Variants in MRPS27 observed in about 807,000 individuals in gnomAD.
MRPS27 encodes small ribosomal subunit protein mS27.
MRPS27 carries 43 observed loss-of-function variants against 48.9 expected under a neutral mutation model. That is an observed-to-expected ratio of 0.88 (90% CI 0.69 to 1.13). The LOEUF (loss-of-function observed/expected upper bound fraction) is 1.13. Among genes scored for constraint, MRPS27 ranks in the 50% most tolerant of loss-of-function variants. The pLI is 0.00. For missense variants in MRPS27, 467 were observed against 476.3 expected, an observed-to-expected ratio of 0.98 and a Z score of 0.18; for synonymous variants, 188 against 171.9, an observed-to-expected ratio of 1.09 and a Z score of -0.73.
rs567197844 is a variant in MRPS27 at position 72,255,085 on chromosome 5, C to T, written c.282-16957G>A. On this transcript the variant is annotated intron_variant, in intron 4 of 10. Coordinates refer to ENST00000261413, the MANE Select transcript of MRPS27 (RefSeq NM_015084.3). Reference sequence around the variant, plus strand: ...ACAGAGTCTTACTCTGTTGCCCAGGCTGTAGTGCAGTGGCATGGTCTCAGC... The same window carrying T: ...ACAGAGTCTTACTCTGTTGCCCAGGTTGTAGTGCAGTGGCATGGTCTCAGC... 5.2e-5 allele frequency among the ~76,000 whole-genome samples: 6 copies of T among 115,996 alleles called. No individual in the cohort carries two copies. In the South Asian group the frequency reaches 1.4e-3, roughly 28 times the overall value. The allele number at this position is 115,996 out of a possible 152,430, so 76.1% of individuals were successfully genotyped here. A position where few individuals can be genotyped will look rare whatever the true frequency, so the allele number is the denominator to read the frequency against.
chr5:72,301,856 A>C (rs1263162177), intron 2 of MRPS27, among the ~76,000 whole-genome samples: 1 of 152,266 alleles, frequency 6.6e-6, no homozygotes, highest in Non-Finnish European at 1.5e-5. Context: ...CGGCCAGGAA[A>C]GCTGGGACAG....
chr5:72,257,832 C>A (rs1222024096), intron 4 of MRPS27, among the ~76,000 whole-genome samples: 1 of 152,062 alleles, frequency 6.6e-6, no homozygotes, highest in Non-Finnish European at 1.5e-5. Flanking sequence ...TGCCTGTAAT[C>A]CCAGCACTTT....
rs139719330 is a variant in MRPS27 at position 72,269,909 on chromosome 5, G to A, written c.281+25622C>T. On this transcript the variant is annotated intron_variant, in intron 4 of 10. Transcript: ENST00000261413. ...ATTCAATTACATAAAAAATAAAAAT[G>A]TGGCCGGGTGCGGTGGCTCACGCCT... Among the ~76,000 whole-genome samples the A allele has an allele frequency of 1.4e-4, 21 of 152,210 alleles. No individual in the cohort carries two copies. The East Asian group carries it at 3.7e-3, about 27-fold the overall frequency.
intron 4 of MRPS27, among the ~76,000 whole-genome samples, chr5:72,264,282 G>A (rs1749053714): frequency 6.6e-6 from 1 of 152,076 alleles, no homozygotes; most frequent in Non-Finnish European, 1.5e-5. Flanking sequence ...CTTTCCTTTT[G>A]GGGTAATAAA....
intron 4 of MRPS27, among the ~76,000 whole-genome samples, chr5:72,276,803 G>A (rs909062820): frequency 1.8e-4 from 27 of 151,890 alleles, no homozygotes; most frequent in Non-Finnish European, 2.9e-4. Flanking sequence ...AGGCCGAGGC[G>A]GGTGGATCAC....
At chr5:72,297,943 G>T (rs866792361) in intron 2 of MRPS27, among the ~76,000 whole-genome samples, 1 of 152,056 alleles carries the variant, frequency 6.6e-6, no homozygotes, top group Non-Finnish European at 1.5e-5. Flanking sequence ...TTAAAAAAAT[G>T]GATCAATTTG....
At chr5:72,241,438 T>A (rs1209551544) in intron 4 of MRPS27, 1 of 540,074 alleles carries the variant, frequency 1.9e-6, no homozygotes, top group Non-Finnish European at 3.3e-6. Flanking sequence ...TTGGCCCCCA[T>A]CAGCATTAAA....
chr5:72,231,585 T>C (rs953895481), intron 7 of MRPS27, among the ~76,000 whole-genome samples: 2 of 152,188 alleles, frequency 1.3e-5, no homozygotes, highest in South Asian at 2.1e-4. Flanking sequence ...ATGTGTTCAA[T>C]ACAGTATATT....
intron 2 of MRPS27, among the ~76,000 whole-genome samples, chr5:72,309,106 A>T (rs1435977329): frequency 6.6e-6 from 1 of 151,982 alleles, no homozygotes; most frequent in Non-Finnish European, 1.5e-5. Flanking sequence ...ATCGATTCTG[A>T]CTGGAGAGAT....
At chr5:72,247,258 C>A (rs1269108381) in intron 4 of MRPS27, among the ~76,000 whole-genome samples, 1 of 152,160 alleles carries the variant, frequency 6.6e-6, no homozygotes, top group Non-Finnish European at 1.5e-5. Flanking sequence ...TACACTTGAA[C>A]TCTGGACTAG....
At chr5:72,295,639 A>G in intron 3 of MRPS27, 50 bp from the exon 4 acceptor site, 8 of 1,469,434 alleles carry the variant, frequency 5.4e-6, no homozygotes, top group Non-Finnish European at 7.6e-6. Flanking sequence ...TATGTCATAT[A>G]TTTGGCCTAG....
chr5:72,265,914 T>G (rs1749096920), intron 4 of MRPS27, among the ~76,000 whole-genome samples: 1 of 152,224 alleles, frequency 6.6e-6, no homozygotes, highest in South Asian at 2.1e-4. Flanking sequence ...TTTAAATGAA[T>G]GATTAGTTCA....
intron 10 of MRPS27, among the ~76,000 whole-genome samples, chr5:72,223,110 GGGA>G (rs1322213898): frequency 6.6e-6 from 1 of 152,192 alleles, no homozygotes; most frequent in East Asian, 1.9e-4. Flanking sequence ...AGAGCATTTT[GGGA>G]TGTACAGAGT....
intron 4 of MRPS27, among the ~76,000 whole-genome samples, chr5:72,291,317 A>T (rs1267509571): frequency 6.6e-6 from 1 of 152,234 alleles, no homozygotes; most frequent in East Asian, 1.9e-4. Context: ...ATCTCACAGC[A>T]GGGTTCCTAA....
intron 1 of MRPS27, among the ~76,000 whole-genome samples, chr5:72,319,766 C>T (rs1388150480): frequency 1.3e-5 from 2 of 152,046 alleles, no homozygotes; most frequent in African/African-American, 4.8e-5. Context: ...AGGCTGGTCT[C>T]GAACTCCTGG....
chr5:72,281,770 T>A (rs565514372), intron 4 of MRPS27, among the ~76,000 whole-genome samples: 4 of 152,374 alleles, frequency 2.6e-5, no homozygotes, highest in Admixed American at 6.5e-5. Context: ...TATACTAATC[T>A]ATACGTATGA....
intron 4 of MRPS27, among the ~76,000 whole-genome samples, chr5:72,274,811 TTAAG>T (rs1749332830): frequency 6.6e-6 from 1 of 152,164 alleles, no homozygotes; most frequent in Non-Finnish European, 1.5e-5. Context: ...TACAATGTCA[TTAAG>T]TAATAGGAAT....
intron 4 of MRPS27, among the ~76,000 whole-genome samples, chr5:72,258,353 A>T (rs1387690519): frequency 6.6e-6 from 1 of 152,172 alleles, no homozygotes; most frequent in African/African-American, 2.4e-5. Flanking sequence ...AAGAGAGAAA[A>T]CAAATTTTGG....
At chr5:72,227,301 A>T (rs1302958068) in intron 8 of MRPS27, 1 of 152,214 alleles carries the variant, frequency 6.6e-6, no homozygotes, top group Non-Finnish European at 1.5e-5. Context: ...AATACATGTA[A>T]ATCAATATCA....
Sources: allele counts gnomAD v4.1 joint callset (sites outside exome capture counted in the v4.1 genomes callset), GRCh38; gene constraint gnomAD v4.1.1; transcripts MANE v1.5; gene names NCBI Gene and HGNC (gene_info 2026-07-23, HGNC 2026-07-21).